MYO3B: variants seen among roughly 807,000 people sequenced by gnomAD.
MYO3B encodes myosin IIIB, also known as myosin-IIIb.
MYO3B carries 156 observed loss-of-function variants against 174.6 expected under a neutral mutation model. The ratio of observed to expected loss-of-function variants is 0.89; its 90% CI spans 0.78 to 1.02. The LOEUF is 1.02. Ranked by LOEUF, MYO3B falls within the 50% of genes least tolerant of loss-of-function variation. MYO3B has a pLI of 0.00. For missense variants in MYO3B, 1,632 were observed against 1,639.4 expected, an observed-to-expected ratio of 1.00 and a Z score of 0.08; for synonymous variants, 563 against 569.1, an observed-to-expected ratio of 0.99 and a Z score of 0.15.
intron 32 of MYO3B, among the ~76,000 whole-genome samples, chr2:170,578,369 C>A (rs1692926907): frequency 6.6e-6 from 1 of 152,220 alleles, no homozygotes; most frequent in Admixed American, 6.5e-5. Context: ...AAGGGATGGC[C>A]TGGACTTTTA....
chr2:170,615,582 C>A (rs1404628980), intron 32 of MYO3B, among the ~76,000 whole-genome samples: 1 of 152,210 alleles, frequency 6.6e-6, no homozygotes, highest in Non-Finnish European at 1.5e-5. Context: ...ACAAATTACA[C>A]CAAAACTTAG....
chr2:170,642,916 T>C (rs1420242498), intron 32 of MYO3B, among the ~76,000 whole-genome samples: 1 of 152,100 alleles, frequency 6.6e-6, no homozygotes, highest in African/African-American at 2.4e-5. Flanking sequence ...TTTAAGGTGA[T>C]GTAGATTATT....
At chr2:170,362,815 G>C (rs1212321934) in intron 8 of MYO3B, among the ~76,000 whole-genome samples, 1 of 152,176 alleles carries the variant, frequency 6.6e-6, no homozygotes, top group African/African-American at 2.4e-5. Flanking sequence ...CAAACAGGGG[G>C]GTGATGTTTC....
At chr2:170,228,535 C>T (rs777368348) in intron 6 of MYO3B, among the ~76,000 whole-genome samples, 19 of 152,164 alleles carry the variant, frequency 1.2e-4, no homozygotes, top group South Asian at 2.1e-4. Flanking sequence ...AGTCTGAGAA[C>T]GGGACTTAAC....
At position 170,236,111 on chromosome 2, in the gene MYO3B, G is replaced by A. The variant is rs751916279; in HGVS notation, c.724G>A (p.Val242Met). Residue 242 changes from valine (V) to methionine (M), a missense_variant, in exon 7 of 35, where the codon GTG becomes ATG. Transcript: ENST00000408978. The part of the protein sequence containing the change: ...GDPPLFDMHP[V>M]KTLFKIPRNP... Reference sequence around the variant, plus strand: ...CCCTCCCCTCTTTGACATGCATCCTGTGAAAACACTCTTTAAGATTCCAAG... The same window carrying A: ...CCCTCCCCTCTTTGACATGCATCCTATGAAAACACTCTTTAAGATTCCAAG... The A allele has an allele frequency of 3.7e-6, 6 of 1,614,056 alleles. No individual in the cohort carries two copies. In the African/African-American group the frequency reaches 8.0e-5, roughly 22 times the overall value.
At position 170,382,084 on chromosome 2, in the gene MYO3B, A is replaced by G; in HGVS notation, c.1040A>G (p.Asp347Gly). The change falls in exon 10 of 35, where the codon GAT becomes GGT. Residue 347 changes from aspartate (D) to glycine (G), a missense_variant. Asp to Gly is a moderately conservative substitution (Grantham distance 94, BLOSUM62 -1). Coordinates refer to ENST00000408978, the MANE Select transcript of MYO3B (RefSeq NM_138995.5). ...EDAEKYCLED[D>G]LVNLEVLDED... is the part of the protein sequence containing the mutation. The stretch of plus-strand genomic sequence containing the variant: ...GCTGAAAAATACTGCCTTGAGGATG[A>G]TTTGGTCAACCTAGAGGTTCTGGAT... 1 of 1,613,544 alleles carries G rather than the reference A, an allele frequency of 6.2e-7. No homozygotes were observed. Among genetic ancestry groups the G allele is most frequent in the Non-Finnish European group, 8.5e-7 (1 of 1,179,600 alleles).
Position 170,405,166 on chromosome 2 carries a change from T to C in MYO3B, c.2432-379T>C, listed in dbSNP as rs561164506. 9.0e-4 allele frequency among the ~76,000 whole-genome samples: 137 copies of C among 152,356 alleles called. 1 individual carries two copies. Among genetic ancestry groups the C allele is most frequent in the African/African-American group, 3.1e-3 (127 of 41,574 alleles). ...TTGATTTGTGGCAGAGATTCACTTT[T>C]ATGAGTTGAAATTATAACCCTCAGT... is the stretch of plus-strand genomic sequence containing the variant. On this transcript the variant is annotated intron_variant, in intron 20 of 34. Coordinates refer to ENST00000408978, the MANE Select transcript of MYO3B (RefSeq NM_138995.5).
rs1277834016 is a variant in MYO3B at position 170,199,274 on chromosome 2, C to A, written c.69C>A (p.Pro23=). 2 of 1,613,540 alleles carry A rather than the reference C, an allele frequency of 1.2e-6. No individual in the cohort carries two copies. The highest frequency in any genetic ancestry group is 1.7e-6 in the Non-Finnish European group (2 of 1,179,670). Residue 23 remains proline (P), a synonymous_variant, in exon 2 of 35, where the codon CCC becomes CCA. Transcript: ENST00000408978. ...MMLGLESLPD[P]TDTWEIIETI... ...TTGGACTTGAATCACTTCCAGATCC[C>A]ACAGACACCTGGGAAATTATAGAGA... is the stretch of plus-strand genomic sequence containing the variant.
chr2:170,594,822 C>CGT (rs779725132), intron 32 of MYO3B, among the ~76,000 whole-genome samples: 3 of 125,172 alleles, frequency 2.4e-5, no homozygotes, highest in Non-Finnish European at 4.9e-5. Context: ...TCTTTCCCAG[C>CGT]GCGCGCACAC....
In MYO3B at chr2:170,200,269, G is replaced by T; in HGVS notation, c.306G>T (p.Leu102=). ...YKADHCVGGQ[L]WLVLELCNGG... is the part of the protein sequence containing the mutation. ...CGGATCACTGTGTAGGGGGACAGCTGTGGCTGGTCCTGGAGGTAAGAGGCT... is the reference window on the plus strand; with the variant it reads ...CGGATCACTGTGTAGGGGGACAGCTTTGGCTGGTCCTGGAGGTAAGAGGCT... The change falls in exon 3 of 35, where the codon CTG becomes CTT. Residue 102 remains leucine, a synonymous_variant. Coordinates refer to ENST00000408978, the MANE Select transcript of MYO3B (RefSeq NM_138995.5). 1.2e-6 allele frequency: 2 copies of T among 1,612,054 alleles called. No individual in the cohort carries two copies. The highest frequency in any genetic ancestry group is 1.7e-6 in the Non-Finnish European group (2 of 1,179,046).
chr2:170,191,564 T>C (rs1427286762), intron 1 of MYO3B, among the ~76,000 whole-genome samples: 1 of 152,164 alleles, frequency 6.6e-6, no homozygotes, highest in Non-Finnish European at 1.5e-5. Context: ...CCTCCGTGGA[T>C]GCTGGCTGAG....
intron 8 of MYO3B, chr2:170,344,889 G>A (rs577466287): frequency 1.3e-5 from 2 of 152,230 alleles, no homozygotes; most frequent in Non-Finnish European, 2.9e-5. Flanking sequence ...GGATCTTGAG[G>A]AGTAGCTGTC....
chr2:170,619,358 T>G (rs1332123515), intron 32 of MYO3B, among the ~76,000 whole-genome samples: 1 of 152,200 alleles, frequency 6.6e-6, no homozygotes. Flanking sequence ...TGGCATTGTC[T>G]TTACACAATC....
rs10684032 is a variant in MYO3B at position 170,488,275 on chromosome 2, T to TTTTATTTATTTATTTA, written c.3015-10309_3015-10294dup. ...ATTATAAGTAGAAAAGTAGCAGTGG[T>TTTTATTTATTTATTTA]TTTATTTATTTATTTATTTATTTTA... On this transcript the variant is annotated intron_variant, in intron 25 of 34. Coordinates refer to ENST00000408978, the MANE Select transcript of MYO3B (RefSeq NM_138995.5). Among the ~76,000 whole-genome samples, 149 of 151,564 alleles carry TTTTATTTATTTATTTA rather than the reference T, an allele frequency of 9.8e-4. 1 individual carries two copies. Among genetic ancestry groups the TTTTATTTATTTATTTA allele is most frequent in the African/African-American group, 3.4e-3 (142 of 41,196 alleles).
At chr2:170,227,768 T>G (rs769500586) in intron 6 of MYO3B, among the ~76,000 whole-genome samples, 9 of 152,216 alleles carry the variant, frequency 5.9e-5, no homozygotes, top group Non-Finnish European at 1.2e-4. Context: ...ATTGATTTGC[T>G]TCCCTTCCTG....
chr2:170,266,726 G>A (rs1238860300), intron 7 of MYO3B, among the ~76,000 whole-genome samples: 1 of 152,108 alleles, frequency 6.6e-6, no homozygotes, highest in Non-Finnish European at 1.5e-5. Flanking sequence ...AAAGTTTATT[G>A]AAAGTCAATA....
At chr2:170,231,421 T>C (rs757913710) in intron 6 of MYO3B, among the ~76,000 whole-genome samples, 2 of 152,262 alleles carry the variant, frequency 1.3e-5, no homozygotes, top group Non-Finnish European at 2.9e-5. Context: ...TTTGGGAGTC[T>C]CAACCCACTG....
At chr2:170,639,131 G>A (rs561396425) in intron 32 of MYO3B, among the ~76,000 whole-genome samples, 81 of 152,230 alleles carry the variant, frequency 5.3e-4, no homozygotes, top group Non-Finnish European at 9.6e-4. Context: ...TTAAAATGTC[G>A]TTCCAATCTT....
At chr2:170,495,836 G>A (rs1371025860) in intron 25 of MYO3B, among the ~76,000 whole-genome samples, 2 of 152,182 alleles carry the variant, frequency 1.3e-5, no homozygotes, top group African/African-American at 4.8e-5. Context: ...TTTTCTCACC[G>A]CAATAGATTT....
Sources: allele counts gnomAD v4.1 joint callset (sites outside exome capture counted in the v4.1 genomes callset), GRCh38; gene constraint gnomAD v4.1.1; transcripts MANE v1.5; gene names NCBI Gene and HGNC (gene_info 2026-07-23, HGNC 2026-07-21).